Variants in IL1RAPL1 observed in about 807,000 individuals in gnomAD.
IL1RAPL1 encodes the protein interleukin-1 receptor accessory protein-like 1.
A neutral mutation model predicts 48.4 loss-of-function variants in IL1RAPL1; 3 were observed. That is an observed-to-expected ratio of 0.06 (90% CI 0.03 to 0.16). The LOEUF is 0.16. IL1RAPL1 is among the 10% of genes least tolerant of loss of function. The pLI is 1.00. For missense variants in IL1RAPL1, 349 were observed against 530.6 expected (o/e 0.66, Z 3.36); for synonymous variants, 185 against 187.7 (o/e 0.99, Z 0.12).
At chrX:29,592,191 A>C (rs1375967957) in intron 5 of IL1RAPL1, among the ~76,000 whole-genome samples, 1 of 112,028 alleles carries the variant, frequency 8.9e-6, no homozygotes, top group Admixed American at 9.5e-5. Flanking sequence ...ATATATATAT[A>C]TCTTTCAAAA....
chrX:28,721,484 C>T (rs1405607907), intron 1 of IL1RAPL1, among the ~76,000 whole-genome samples: 1 of 111,167 alleles, frequency 9.0e-6, no homozygotes. Context: ...TTTGTGGATT[C>T]TGGATATTAG....
intron 6 of IL1RAPL1, among the ~76,000 whole-genome samples, chrX:29,876,997 C>G (rs993864254): frequency 5.4e-5 from 6 of 111,332 alleles, no homozygotes; most frequent in Admixed American, 2.9e-4. Context: ...ACCAGAGCAC[C>G]AGCTTTGTTC....
At chrX:28,947,464 G>A (rs1194248150) in intron 2 of IL1RAPL1, among the ~76,000 whole-genome samples, 1 of 110,914 alleles carries the variant, frequency 9.0e-6, no homozygotes, top group Non-Finnish European at 1.9e-5. Context: ...TTACTGTTTA[G>A]CCACTGCATG....
chrX:28,806,004 A>G (rs1249481313), intron 2 of IL1RAPL1, among the ~76,000 whole-genome samples: 1 of 110,722 alleles, frequency 9.0e-6, no homozygotes, highest in African/African-American at 3.3e-5. Context: ...TCCTGTGGCA[A>G]TGTACATGCA....
intron 1 of IL1RAPL1, among the ~76,000 whole-genome samples, chrX:28,599,920 T>C (rs963431361): frequency 8.9e-6 from 1 of 112,107 alleles, no homozygotes; most frequent in Non-Finnish European, 1.9e-5. Context: ...TTGTCTCACA[T>C]TGAGTCAAGG....
chrX:29,607,750 G>C (rs189010591), intron 5 of IL1RAPL1, among the ~76,000 whole-genome samples: 2 of 111,744 alleles, frequency 1.8e-5, no homozygotes, highest in East Asian at 2.8e-4. Context: ...TTCCACATGA[G>C]AGTTTTTTAA....
chrX:29,256,157 G>A (rs1208070338), intron 2 of IL1RAPL1, among the ~76,000 whole-genome samples: 2 of 111,260 alleles, frequency 1.8e-5, no homozygotes, highest in Non-Finnish European at 3.8e-5. Context: ...ATTCTGACTG[G>A]TGTGAGATGG....
intron 2 of IL1RAPL1, among the ~76,000 whole-genome samples, chrX:29,174,632 G>A (rs1196680574): frequency 9.1e-6 from 1 of 109,397 alleles, no homozygotes; most frequent in Non-Finnish European, 1.9e-5. Flanking sequence ...AAACCAATGG[G>A]GTTTAATGAT....
chrX:29,694,039 T>C (rs1024516353), intron 6 of IL1RAPL1, among the ~76,000 whole-genome samples: 2 of 111,834 alleles, frequency 1.8e-5, no homozygotes, highest in East Asian at 5.6e-4. Flanking sequence ...GGAAAACCCG[T>C]ACATCAGATA....
chrX:28,875,180 C>G (rs1297431938), intron 2 of IL1RAPL1, among the ~76,000 whole-genome samples: 1 of 112,063 alleles, frequency 8.9e-6, no homozygotes. Flanking sequence ...AGAAAGAGCA[C>G]ATTGGCTTTA....
At chrX:29,809,104 T>G (rs780297264) in intron 6 of IL1RAPL1, among the ~76,000 whole-genome samples, 2,878 of 100,114 alleles carry the variant, frequency 0.029, 116 homozygotes, top group African/African-American at 0.098. Context: ...TCTTTTTTTT[T>G]GGGGGGTGGG....
chrX:28,589,514 G>A (rs1385860515), intron 1 of IL1RAPL1, among the ~76,000 whole-genome samples: 1 of 111,298 alleles, frequency 9.0e-6, no homozygotes, highest in African/African-American at 3.3e-5. Context: ...AGCCACACCC[G>A]TGGAGAGTCA....
chrX:28,757,801 G>A (rs975458777), intron 1 of IL1RAPL1, among the ~76,000 whole-genome samples: 2 of 111,713 alleles, frequency 1.8e-5, no homozygotes, highest in Non-Finnish European at 3.8e-5. Flanking sequence ...CTCTTTAGTC[G>A]ACGTTCCATA....
At chrX:28,622,440 TG>T (rs905199976) in intron 1 of IL1RAPL1, among the ~76,000 whole-genome samples, 2 of 111,933 alleles carry the variant, frequency 1.8e-5, no homozygotes, top group Non-Finnish European at 3.8e-5. Context: ...ATTAGTGAAT[TG>T]TTTTTTTAAA....
intron 2 of IL1RAPL1, among the ~76,000 whole-genome samples, chrX:29,049,125 C>G (rs190140265): frequency 8.9e-6 from 1 of 112,190 alleles, no homozygotes; most frequent in East Asian, 2.8e-4. Flanking sequence ...GTCACTGCAA[C>G]TCTGCATGTG....
chrX:29,599,484 G>A (rs1032802328), intron 5 of IL1RAPL1, among the ~76,000 whole-genome samples: 1 of 111,785 alleles, frequency 8.9e-6, no homozygotes, highest in Admixed American at 9.5e-5. Flanking sequence ...ATAACCTCAC[G>A]ATTGTGTGCC....
In IL1RAPL1 at chrX:28,636,500, T is replaced by C. The variant is rs139618212; in HGVS notation, c.-25+48453T>C. The stretch of plus-strand genomic sequence containing the variant: ...CTGTGTCTTTTTCCTTAACTAATAA[T>C]AGTTTAAGCCCATAAAACCTTTTCT... On this transcript the variant is annotated intron_variant, in intron 1 of 10. Transcript: ENST00000378993. Among the ~76,000 whole-genome samples, 1,050 of 111,861 alleles carry C rather than the reference T, an allele frequency of 9.4e-3. 10 individuals carry two copies. Among genetic ancestry groups the C allele is most frequent in the African/African-American group, 0.032 (983 of 30,844 alleles).
At chrX:28,990,177 A>G (rs1026991712) in intron 2 of IL1RAPL1, among the ~76,000 whole-genome samples, 1 of 111,778 alleles carries the variant, frequency 8.9e-6, no homozygotes, top group Non-Finnish European at 1.9e-5. Flanking sequence ...CTACTCTCCA[A>G]TTGAACAGTT....
chrX:28,747,430 C>T (rs1419547067), intron 1 of IL1RAPL1, among the ~76,000 whole-genome samples: 3 of 110,856 alleles, frequency 2.7e-5, no homozygotes, highest in Non-Finnish European at 5.7e-5. Context: ...CACTTGAGGC[C>T]AGGAGTTCAA....
Sources: allele counts gnomAD v4.1 joint callset (sites outside exome capture counted in the v4.1 genomes callset), GRCh38; gene constraint gnomAD v4.1.1; transcripts MANE v1.5; gene names NCBI Gene and HGNC (gene_info 2026-07-23, HGNC 2026-07-21).